The following ARL15 variants were observed in gnomAD, a reference collection of about 807,000 sequenced individuals.
ARL15 encodes the protein ADP-ribosylation factor-like protein 15.
A neutral mutation model predicts 25.2 loss-of-function variants in ARL15; 19 were observed. The observed-to-expected ratio is 0.75, with a 90% CI of 0.53 to 1.10. The LOEUF (loss-of-function observed/expected upper bound fraction) is 1.10, where lower values mean the gene tolerates loss of function less well. Among genes scored for constraint, ARL15 ranks in the 50% least tolerant of loss-of-function variants. The probability of loss-of-function intolerance (pLI) is 0.00; values close to 1 mark genes in which losing one functional copy is unlikely to be tolerated. For missense variants in ARL15, 220 were observed against 246.0 expected (o/e 0.89, Z 0.71); for synonymous variants, 94 against 86.8 (o/e 1.08, Z -0.46).
At chr5:54,238,857 G>C (rs1174440609) in intron 1 of ARL15, among the ~76,000 whole-genome samples, 1 of 152,182 alleles carries the variant, frequency 6.6e-6, no homozygotes, top group Non-Finnish European at 1.5e-5. Flanking sequence ...TGATGTTGAC[G>C]ACTGGCAAAG....
At chr5:54,045,476 G>A (rs976228571) in intron 4 of ARL15, among the ~76,000 whole-genome samples, 69 of 152,006 alleles carry the variant, frequency 4.5e-4, no homozygotes, top group Admixed American at 1.2e-3. Context: ...CTAGATGCAC[G>A]TCATATCAGA....
chr5:54,082,952 T>C (rs560614194), intron 4 of ARL15, among the ~76,000 whole-genome samples: 1 of 152,280 alleles, frequency 6.6e-6, no homozygotes, highest in Admixed American at 6.5e-5. Flanking sequence ...AGTGGCTACC[T>C]TTGTTGAAAA....
At chr5:54,233,390 C>T (rs1172585357) in intron 1 of ARL15, among the ~76,000 whole-genome samples, 1 of 152,134 alleles carries the variant, frequency 6.6e-6, no homozygotes, top group African/African-American at 2.4e-5. Context: ...TCAAGGAAAA[C>T]AACTGTTAGT....
At chr5:54,164,066 T>G (rs941912904) in intron 2 of ARL15, among the ~76,000 whole-genome samples, 31 of 152,100 alleles carry the variant, frequency 2.0e-4, no homozygotes, top group Non-Finnish European at 4.4e-4. Context: ...CCACAAATTC[T>G]AATATGTTGC....
intron 2 of ARL15, among the ~76,000 whole-genome samples, chr5:54,160,370 T>C (rs975040176): frequency 6.6e-6 from 1 of 152,224 alleles, no homozygotes; most frequent in Non-Finnish European, 1.5e-5. Context: ...TCAAATATGG[T>C]ATATATCCCT....
At chr5:54,108,366 C>T (rs1019299217) in intron 4 of ARL15, among the ~76,000 whole-genome samples, 6 of 152,210 alleles carry the variant, frequency 3.9e-5, no homozygotes, top group African/African-American at 1.4e-4. Flanking sequence ...TCAAGCTGCT[C>T]ACACCATAGG....
At chr5:54,258,672 C>A (rs560623504) in intron 1 of ARL15, among the ~76,000 whole-genome samples, 1 of 152,294 alleles carries the variant, frequency 6.6e-6, no homozygotes, top group Non-Finnish European at 1.5e-5. Flanking sequence ...TGCAGCTCAA[C>A]ATCCTCTGGA....
intron 1 of ARL15, among the ~76,000 whole-genome samples, chr5:54,196,420 C>T (rs1468758715): frequency 2.6e-5 from 4 of 152,116 alleles, no homozygotes; most frequent in South Asian, 2.1e-4. Context: ...AAAAACTGGG[C>T]CACCTTTGCC....
At chr5:53,974,582 C>G (rs1747869483) in intron 4 of ARL15, among the ~76,000 whole-genome samples, 1 of 152,198 alleles carries the variant, frequency 6.6e-6, no homozygotes, top group Admixed American at 6.5e-5. Flanking sequence ...ATATTAGGTA[C>G]TTTCAGCCTA....
At chr5:54,273,750 C>G (rs1446516442) in intron 1 of ARL15, among the ~76,000 whole-genome samples, 1 of 152,138 alleles carries the variant, frequency 6.6e-6, no homozygotes, top group African/African-American at 2.4e-5. Context: ...AAAGCCTTAG[C>G]ACAGACACTG....
In ARL15 at chr5:54,224,504, A is replaced by G. The variant is rs115309338; in HGVS notation, c.49-52576T>C. The stretch of plus-strand genomic sequence containing the variant: ...ACATCCACTATCCAACAGACTTTCA[A>G]TGACTCAACTATGGGAGTCCAGAAA... On this transcript the variant is annotated intron_variant, in intron 1 of 4. Transcript: ENST00000504924. 5.0e-3 allele frequency among the ~76,000 whole-genome samples: 767 copies of G among 152,328 alleles called. 12 individuals are homozygous for G. The highest frequency in any genetic ancestry group is 0.017 in the African/African-American group (718 of 41,574).
chr5:53,914,047 T>C (rs939425062), intron 4 of ARL15, among the ~76,000 whole-genome samples: 2 of 152,080 alleles, frequency 1.3e-5, no homozygotes, highest in African/African-American at 4.8e-5. Context: ...CCTTTTCCCT[T>C]CTGTGAGTGT....
At chr5:54,123,107 T>G (rs1484880547) in intron 3 of ARL15, among the ~76,000 whole-genome samples, 1 of 151,946 alleles carries the variant, frequency 6.6e-6, no homozygotes, top group Non-Finnish European at 1.5e-5. Flanking sequence ...CTTCTTTTTA[T>G]ATTCCTTTTT....
chr5:54,145,944 G>A (rs898893569), intron 3 of ARL15, among the ~76,000 whole-genome samples: 2 of 152,022 alleles, frequency 1.3e-5, no homozygotes, highest in African/African-American at 4.8e-5. Flanking sequence ...GTATCTCCAT[G>A]ACTTTTGTCT....
At chr5:54,255,217 T>TA (rs397881927) in intron 1 of ARL15, among the ~76,000 whole-genome samples, 2 of 152,146 alleles carry the variant, frequency 1.3e-5, no homozygotes, top group Non-Finnish European at 2.9e-5. Flanking sequence ...ATTTTTTTTT[T>TA]ATCCTTGCAT....
chr5:54,227,775 T>C (rs1579930504), intron 1 of ARL15, among the ~76,000 whole-genome samples: 2 of 152,224 alleles, frequency 1.3e-5, no homozygotes, highest in African/African-American at 4.8e-5. Flanking sequence ...CAATTGTCAG[T>C]GTGCTCACAA....
intron 4 of ARL15, among the ~76,000 whole-genome samples, chr5:54,043,871 G>C (rs966586547): frequency 1.3e-5 from 2 of 151,724 alleles, no homozygotes; most frequent in African/African-American, 4.9e-5. Flanking sequence ...AAATTAGCCA[G>C]GTGTGGTGGT....
At chr5:53,946,514 C>G (rs1184932411) in intron 4 of ARL15, among the ~76,000 whole-genome samples, 1 of 150,436 alleles carries the variant, frequency 6.6e-6, no homozygotes, top group Non-Finnish European at 1.5e-5. Context: ...AATCTTTCCC[C>G]TAATGGAATA....
intron 4 of ARL15, among the ~76,000 whole-genome samples, chr5:54,032,338 A>G (rs944742115): frequency 6.6e-6 from 1 of 151,854 alleles, no homozygotes; most frequent in Non-Finnish European, 1.5e-5. Flanking sequence ...GGTTCAAGCA[A>G]TTCTCCTACC....
Sources: allele counts gnomAD v4.1 joint callset (sites outside exome capture counted in the v4.1 genomes callset), GRCh38; gene constraint gnomAD v4.1.1; transcripts MANE v1.5; gene names NCBI Gene and HGNC (gene_info 2026-07-23, HGNC 2026-07-21).